Variants in CAPN7 observed in about 807,000 individuals in gnomAD.
CAPN7 encodes calpain 7, also known as calpain-7.
CAPN7 carries 72 observed loss-of-function variants against 115.2 expected under a neutral mutation model. That is an observed-to-expected ratio of 0.63 (90% CI 0.52 to 0.76). The LOEUF is 0.76. Among genes scored for constraint, CAPN7 ranks in the 30% least tolerant of loss-of-function variants. The probability of loss-of-function intolerance (pLI) is 0.00; values close to 1 mark genes in which losing one functional copy is unlikely to be tolerated. For synonymous variants in CAPN7, 344 were observed against 322.3 expected, an observed-to-expected ratio of 1.07 and a Z score of -0.72; for missense variants, 905 against 971.5, an observed-to-expected ratio of 0.93 and a Z score of 0.91.
rs746036027 is a variant in CAPN7, at chr3:15,240,794, T to C, written c.1593T>C (p.Tyr531=). The C allele has an allele frequency of 3.7e-6, 6 of 1,613,090 alleles. No individual in the cohort carries two copies. The highest frequency in any genetic ancestry group is 1.3e-5 in the African/African-American group (1 of 74,916). ...WISWDDLCQY[Y]DVIYLSWNPG... is the part of the protein sequence containing the mutation. ...CCTGGGATGATCTCTGCCAGTATTA[T>C]GATGTGATTTATTTGAGTTGGAATC... The change falls in exon 14 of 21, where the codon TAT becomes TAC. Residue 531 remains tyrosine, a synonymous_variant. Coordinates refer to ENST00000253693, the MANE Select transcript of CAPN7 (RefSeq NM_014296.3).
intron 2 of CAPN7, among the ~76,000 whole-genome samples, chr3:15,213,580 C>T (rs1337575523): frequency 6.6e-6 from 1 of 152,166 alleles, no homozygotes; most frequent in Non-Finnish European, 1.5e-5. Context: ...TCTTTCTTTT[C>T]CATATGTACA....
chr3:15,246,466 G>C (rs1695664931), intron 17 of CAPN7: 2 of 399,958 alleles, frequency 5.0e-6, no homozygotes, highest in Admixed American at 8.9e-5. Context: ...ATTGGGAGCT[G>C]CTGCCACCCA....
chr3:15,227,783 C>A, intron 6 of CAPN7, 56 bp from the exon 7 acceptor site: 1 of 1,139,974 alleles, frequency 8.8e-7, no homozygotes, highest in Non-Finnish European at 1.2e-6. Flanking sequence ...TTAATTTTGG[C>A]TTTGAGTCAT....
chr3:15,234,833 A>G (rs1255687374), intron 11 of CAPN7, among the ~76,000 whole-genome samples, 192 bp from the exon 12 acceptor site: 1 of 144,678 alleles, frequency 6.9e-6, no homozygotes, highest in Non-Finnish European at 1.5e-5. Context: ...AAGTTGCCAG[A>G]AACTTAAAAA....
intron 2 of CAPN7, among the ~76,000 whole-genome samples, chr3:15,216,174 T>A (rs2045237655): frequency 6.6e-6 from 1 of 152,234 alleles, no homozygotes; most frequent in African/African-American, 2.4e-5. Flanking sequence ...AACTGCTGTG[T>A]CATAGGATGT....
At chr3:15,227,007 C>G (rs375872851) in intron 6 of CAPN7, among the ~76,000 whole-genome samples, 2 of 151,006 alleles carry the variant, frequency 1.3e-5, no homozygotes, top group African/African-American at 4.9e-5. Context: ...TACCAGCACT[C>G]TGGTATTTAC....
chr3:15,218,508 ACTGAAACAGTT>A lies in CAPN7; in HGVS notation c.406_416del (p.Leu136GlyfsTer13). The A allele has an allele frequency of 6.2e-7, 1 of 1,613,622 alleles. No individual in the cohort carries two copies. Among genetic ancestry groups the A allele is most frequent in the Non-Finnish European group, 8.5e-7 (1 of 1,179,548 alleles). ...CTGCTGATAAAGTCCTGCAAAATAA[ACTGAAACAGTT>A]GGCTCGACAGGCACTAGACAGGTGA... is the stretch of plus-strand genomic sequence containing the variant. On this transcript the variant is annotated frameshift_variant, in exon 4 of 21. Coordinates refer to ENST00000253693, the MANE Select transcript of CAPN7 (RefSeq NM_014296.3). LOFTEE classifies it high-confidence loss of function.
intron 2 of CAPN7, among the ~76,000 whole-genome samples, chr3:15,216,030 G>A (rs1417682999): frequency 1.3e-5 from 2 of 152,154 alleles, no homozygotes; most frequent in Non-Finnish European, 1.5e-5. Flanking sequence ...GGAGGTTGCA[G>A]TGAGCTGAGA....
At chr3:15,230,625 GTT>G (rs1694628432) in intron 9 of CAPN7, 90 bp downstream of exon 9, 1 of 768,228 alleles carries the variant, frequency 1.3e-6, no homozygotes, top group African/African-American at 1.7e-5. Flanking sequence ...AATGTCATCT[GTT>G]TGAACATTTT....
chr3:15,241,763 C>A (rs546987003), intron 15 of CAPN7, among the ~76,000 whole-genome samples, 175 bp downstream of exon 15: 2 of 152,250 alleles, frequency 1.3e-5, no homozygotes, highest in Non-Finnish European at 2.9e-5. Flanking sequence ...TATAATTATA[C>A]ACTTAAAATC....
chr3:15,222,703 C>G (rs1051173469), intron 5 of CAPN7, among the ~76,000 whole-genome samples: 12 of 152,192 alleles, frequency 7.9e-5, no homozygotes, highest in Admixed American at 7.9e-4. Context: ...CTGTACTACA[C>G]CAGAACAACT....
intron 1 of CAPN7, among the ~76,000 whole-genome samples, chr3:15,209,344 A>G (rs1049647021): frequency 6.6e-6 from 1 of 152,182 alleles, no homozygotes. Flanking sequence ...GGTAATGTAC[A>G]TAGTTTCAGG....
At chr3:15,247,919 G>T (rs563830350) in intron 19 of CAPN7, among the ~76,000 whole-genome samples, 2 of 151,968 alleles carry the variant, frequency 1.3e-5, no homozygotes, top group African/African-American at 4.8e-5. Context: ...GTAAACTATC[G>T]CAAGAACAAA....
chr3:15,239,250 A>G (rs1228777998), intron 12 of CAPN7, among the ~76,000 whole-genome samples: 2 of 152,232 alleles, frequency 1.3e-5, no homozygotes, highest in Non-Finnish European at 2.9e-5. Context: ...CATTTAAAAT[A>G]GCAAAGGAAT....
At chr3:15,237,591 A>G (rs1439688786) in intron 12 of CAPN7, among the ~76,000 whole-genome samples, 1 of 152,206 alleles carries the variant, frequency 6.6e-6, no homozygotes, top group Non-Finnish European at 1.5e-5. Flanking sequence ...CACTTAAAGC[A>G]AAAAATATAA....
At chr3:15,230,608 A>G in intron 9 of CAPN7, 73 bp downstream of exon 9, 1 of 874,668 alleles carries the variant, frequency 1.1e-6, no homozygotes, top group Non-Finnish European at 1.9e-6. Context: ...GAGTGAAATC[A>G]TTAAGAAATG....
intron 12 of CAPN7, among the ~76,000 whole-genome samples, chr3:15,239,244 TAA>T (rs1695197363): frequency 6.6e-6 from 1 of 152,186 alleles, no homozygotes; most frequent in Admixed American, 6.5e-5. Context: ...TGTCACCATT[TAA>T]AATAGCAAAG....
In CAPN7 at chr3:15,228,972, A is replaced by G; in HGVS notation, c.853-2A>G. ...GAATATGTTAATTATTCTTATTAAC[A>G]GACAATAGTATCGGATTGCTCCTTT... is the stretch of plus-strand genomic sequence containing the variant. On this transcript the variant is annotated splice_acceptor_variant, in intron 7 of 20. Transcript: ENST00000253693. LOFTEE classifies it high-confidence loss of function. 3 of 1,603,426 alleles carry G rather than the reference A, an allele frequency of 1.9e-6. No individual in the cohort carries two copies. The highest frequency in any genetic ancestry group is 2.6e-6 in the Non-Finnish European group (3 of 1,171,752).
At chr3:15,235,197 A>G (rs1313470326) in intron 12 of CAPN7, 52 bp downstream of exon 12, 3 of 1,485,788 alleles carry the variant, frequency 2.0e-6, no homozygotes, top group East Asian at 2.3e-5. Context: ...AAGACATTTC[A>G]GGGATCCCAG....
Sources: allele counts gnomAD v4.1 joint callset (sites outside exome capture counted in the v4.1 genomes callset), GRCh38; gene constraint gnomAD v4.1.1; transcripts MANE v1.5; gene names NCBI Gene and HGNC (gene_info 2026-07-23, HGNC 2026-07-21).